Variants in ROBO1 observed in about 807,000 individuals in gnomAD.
ROBO1 encodes the protein roundabout homolog 1.
A neutral mutation model predicts 195.9 loss-of-function variants in ROBO1; 149 were observed. The observed-to-expected ratio is 0.76, with a 90% CI of 0.67 to 0.87. ROBO1 has a LOEUF of 0.87. Ranked by LOEUF, ROBO1 falls within the 40% of genes least tolerant of loss-of-function variation. The probability of loss-of-function intolerance (pLI) is 0.00; values close to 1 mark genes in which losing one functional copy is unlikely to be tolerated. For missense variants in ROBO1, 1,933 were observed against 2,068.3 expected, an observed-to-expected ratio of 0.93 and a Z score of 1.27; for synonymous variants, 816 against 733.2, an observed-to-expected ratio of 1.11 and a Z score of -1.82.
intron 2 of ROBO1, among the ~76,000 whole-genome samples, chr3:79,355,189 A>G (rs2035500575): frequency 6.6e-6 from 1 of 151,156 alleles, no homozygotes; most frequent in South Asian, 2.1e-4. Flanking sequence ...CAAACAAACA[A>G]AAAAAAAACC....
At chr3:79,750,333 T>C (rs1486961619) in intron 1 of ROBO1, among the ~76,000 whole-genome samples, 1 of 152,238 alleles carries the variant, frequency 6.6e-6, no homozygotes, top group Non-Finnish European at 1.5e-5. Flanking sequence ...AAAAGGGACT[T>C]GCCTTGTCTC....
At chr3:79,219,511 A>G (rs1268009579) in intron 2 of ROBO1, among the ~76,000 whole-genome samples, 1 of 152,038 alleles carries the variant, frequency 6.6e-6, no homozygotes, top group Non-Finnish European at 1.5e-5. Flanking sequence ...GATATGCAGT[A>G]TGACCCGTAA....
At chr3:78,600,688 GTGA>G (rs1703121036) in intron 29 of ROBO1, among the ~76,000 whole-genome samples, 2 of 152,158 alleles carry the variant, frequency 1.3e-5, no homozygotes, top group Non-Finnish European at 2.9e-5. Flanking sequence ...TCCAAAAAAA[GTGA>G]TGATAACATC....
chr3:78,786,272 A>G (rs1292065373), intron 4 of ROBO1, among the ~76,000 whole-genome samples: 1 of 152,156 alleles, frequency 6.6e-6, no homozygotes, highest in Non-Finnish European at 1.5e-5. Context: ...CTTATATTAT[A>G]TAACCAAGTT....
At position 79,425,145 on chromosome 3, in the gene ROBO1, A is replaced by T. The variant is rs543729719; in HGVS notation, c.88+164679T>A. Among the ~76,000 whole-genome samples, 6 of 151,880 alleles carry T rather than the reference A, an allele frequency of 4.0e-5. No homozygotes were observed. The South Asian group carries it at 1.2e-3, about 32-fold the overall frequency. Reference sequence around the variant, plus strand: ...CCATCTTCAATAAATGCATATGACTATTTTTTTTCTATTTCCATTATATGC... The same window carrying T: ...CCATCTTCAATAAATGCATATGACTTTTTTTTTTCTATTTCCATTATATGC... On this transcript the variant is annotated intron_variant, in intron 2 of 30. Transcript: ENST00000464233.
intron 2 of ROBO1, among the ~76,000 whole-genome samples, chr3:79,420,165 T>G (rs1266448976): frequency 6.6e-6 from 1 of 152,162 alleles, no homozygotes; most frequent in Non-Finnish European, 1.5e-5. Flanking sequence ...ATTCATGAGA[T>G]TCTGCATTTT....
chr3:79,090,546 G>C lies in ROBO1; in HGVS notation c.172+34910C>G, dbSNP rs916405344. 1.6e-4 allele frequency among the ~76,000 whole-genome samples: 20 copies of C among 122,346 alleles called. No homozygotes were observed. The Admixed American group carries it at 1.9e-3, about 12-fold the overall frequency. 80.3% of individuals were successfully genotyped at this position (122,346 alleles called of 152,430 possible). A position where few individuals can be genotyped will look rare whatever the true frequency, so the allele number is the denominator to read the frequency against. ...TGACAGAAATTCCAGTATAATTTTT[G>C]TTCCTCAAATTGCAGTATGTGTTTG... On this transcript the variant is annotated intron_variant, in intron 3 of 30. Transcript: ENST00000464233.
At chr3:78,898,380 GTTTTTTTTTT>G (rs773377988) in intron 4 of ROBO1, among the ~76,000 whole-genome samples, 1 of 100,998 alleles carries the variant, frequency 9.9e-6, no homozygotes, top group South Asian at 3.6e-4. Context: ...GATAGATAGG[GTTTTTTTTTT>G]TTTTTTTTTT....
chr3:79,459,883 G>A (rs1042498466), intron 2 of ROBO1, among the ~76,000 whole-genome samples: 3 of 151,906 alleles, frequency 2.0e-5, no homozygotes, highest in African/African-American at 7.2e-5. Context: ...TCTTTTTTTT[G>A]CCATTACAAA....
intron 2 of ROBO1, among the ~76,000 whole-genome samples, chr3:79,347,038 C>T (rs2035148644): frequency 6.6e-6 from 1 of 151,872 alleles, no homozygotes; most frequent in African/African-American, 2.4e-5. Flanking sequence ...TTACAAAGTA[C>T]TATATAGTTA....
intron 2 of ROBO1, among the ~76,000 whole-genome samples, chr3:79,449,492 G>A (rs1394274752): frequency 6.9e-6 from 1 of 145,980 alleles, no homozygotes; most frequent in Non-Finnish European, 1.5e-5. Context: ...GTTCTGATGA[G>A]AAAATAAAAA....
Position 79,249,257 on chromosome 3 carries a change from A to G in ROBO1, c.89-123718T>C, listed in dbSNP as rs542844211. On this transcript the variant is annotated intron_variant, in intron 2 of 30. Coordinates refer to ENST00000464233, the MANE Select transcript of ROBO1 (RefSeq NM_002941.4). ...GAAAGCCCTTTAAAAAGCGGGTGAC[A>G]GCTGGGCACGTGAACTGTTCACCAG... Among the ~76,000 whole-genome samples the G allele has an allele frequency of 1.2e-4, 19 of 152,302 alleles. 1 individual carries two copies. Among genetic ancestry groups the G allele is most frequent in the Admixed American group, 9.8e-4 (15 of 15,290 alleles).
intron 2 of ROBO1, among the ~76,000 whole-genome samples, chr3:79,398,534 T>G (rs1373882626): frequency 6.6e-6 from 1 of 152,090 alleles, no homozygotes; most frequent in African/African-American, 2.4e-5. Context: ...TAATCTCTCT[T>G]TCATAAGGTA....
At chr3:79,279,965 G>C (rs1048873962) in intron 2 of ROBO1, among the ~76,000 whole-genome samples, 1 of 152,200 alleles carries the variant, frequency 6.6e-6, no homozygotes, top group Non-Finnish European at 1.5e-5. Context: ...TGGAACTGAA[G>C]GGCATTATGT....
intron 3 of ROBO1, among the ~76,000 whole-genome samples, chr3:79,073,128 T>G (rs2079116014): frequency 1.3e-5 from 2 of 152,016 alleles, no homozygotes. Context: ...ACATTTGGAT[T>G]CTAAACAAGT....
At chr3:79,369,438 A>C (rs907079581) in intron 2 of ROBO1, among the ~76,000 whole-genome samples, 1 of 152,234 alleles carries the variant, frequency 6.6e-6, no homozygotes, top group Non-Finnish European at 1.5e-5. Flanking sequence ...CTTCCTAACT[A>C]CACTCTTGTT....
intron 1 of ROBO1, among the ~76,000 whole-genome samples, chr3:79,607,626 A>G (rs1944531278): frequency 3.3e-5 from 5 of 151,526 alleles, no homozygotes; most frequent in Admixed American, 3.3e-4. Flanking sequence ...TTACTGGGCA[A>G]TGGATTCAGC....
At chr3:79,292,861 G>A (rs904080478) in intron 2 of ROBO1, among the ~76,000 whole-genome samples, 39 of 152,258 alleles carry the variant, frequency 2.6e-4, no homozygotes, top group African/African-American at 7.9e-4. Flanking sequence ...TCTCTGCCAG[G>A]TTTTGGTATC....
At chr3:78,610,022 T>C (rs1703714451) in intron 28 of ROBO1, among the ~76,000 whole-genome samples, 1 of 152,198 alleles carries the variant, frequency 6.6e-6, no homozygotes, top group South Asian at 2.1e-4. Flanking sequence ...TACTTAGGAA[T>C]GATTATAAGA....
Sources: allele counts gnomAD v4.1 joint callset (sites outside exome capture counted in the v4.1 genomes callset), GRCh38; gene constraint gnomAD v4.1.1; transcripts MANE v1.5; gene names NCBI Gene and HGNC (gene_info 2026-07-23, HGNC 2026-07-21).